The following MGAT4C variants were observed in gnomAD, a reference collection of about 807,000 sequenced individuals.
MGAT4C encodes alpha-1,3-mannosyl-glycoprotein 4-beta-N-acetylglucosaminyltransferase C.
MGAT4C carries 19 observed loss-of-function variants against 40.1 expected under a neutral mutation model. The ratio of observed to expected loss-of-function variants is 0.47; its 90% CI spans 0.33 to 0.70. MGAT4C has a LOEUF of 0.70. MGAT4C is among the 30% of genes least tolerant of loss of function. The probability of loss-of-function intolerance (pLI) is 0.02; values close to 1 mark genes in which losing one functional copy is unlikely to be tolerated. For missense variants in MGAT4C, 491 were observed against 563.2 expected (o/e 0.87, Z 1.30); for synonymous variants, 181 against 187.1 (o/e 0.97, Z 0.27).
intron 1 of MGAT4C, among the ~76,000 whole-genome samples, chr12:86,128,937 C>T (rs1880738017): frequency 6.6e-6 from 1 of 152,044 alleles, no homozygotes; most frequent in Non-Finnish European, 1.5e-5. Flanking sequence ...TGTCCTTTCC[C>T]CACTTTGGCT....
intron 2 of MGAT4C, among the ~76,000 whole-genome samples, chr12:86,720,382 G>A (rs191898437): frequency 5.9e-5 from 9 of 152,236 alleles, no homozygotes; most frequent in Admixed American, 5.2e-4. Context: ...AAGCCCTCAG[G>A]TTCAAGGTGG....
chr12:86,358,413 C>T (rs1244717016), intron 3 of MGAT4C, among the ~76,000 whole-genome samples: 1 of 152,112 alleles, frequency 6.6e-6, no homozygotes, highest in East Asian at 1.9e-4. Context: ...GAAGAAACTG[C>T]ATCAACTAAC....
intron 1 of MGAT4C, among the ~76,000 whole-genome samples, chr12:86,114,627 C>G (rs1322750827): frequency 6.6e-6 from 1 of 151,264 alleles, no homozygotes; most frequent in Non-Finnish European, 1.5e-5. Context: ...TTATAGCAAC[C>G]CATGCTAATT....
In MGAT4C at chr12:86,835,261, A is replaced by G. The variant is rs113723400; in HGVS notation, c.-262+3405T>C. ...AGACCCAATAAAAACAGTTTCTAGC[A>G]TAGATACTATTTTTGTAAAGATTTA... On this transcript the variant is annotated intron_variant, in intron 1 of 7. Transcript: ENST00000548651. Among the ~76,000 whole-genome samples the G allele has an allele frequency of 2.4e-3, 371 of 152,112 alleles. 1 individual carries two copies. The highest frequency in any genetic ancestry group is 8.4e-3 in the African/African-American group (347 of 41,540).
intron 2 of MGAT4C, among the ~76,000 whole-genome samples, chr12:86,611,711 T>C (rs944794273): frequency 6.6e-6 from 1 of 152,194 alleles, no homozygotes; most frequent in Admixed American, 6.5e-5. Flanking sequence ...TAACTGCATT[T>C]TTCTAAATCT....
rs374598021 is a variant in MGAT4C at position 86,621,701 on chromosome 12, C to T, written c.-229+105508G>A. Among the ~76,000 whole-genome samples, 35 of 152,262 alleles carry T rather than the reference C, an allele frequency of 2.3e-4. No homozygotes were observed. The East Asian group carries it at 4.8e-3, about 21-fold the overall frequency. On this transcript the variant is annotated intron_variant, in intron 2 of 7. Transcript: ENST00000548651. ...CTATGTTGTCCAGGCTGCTCTTGAACTCCTGGGCTCAAGTGATCCTCCTAC... is the reference window on the plus strand; with the variant it reads ...CTATGTTGTCCAGGCTGCTCTTGAATTCCTGGGCTCAAGTGATCCTCCTAC...
intron 1 of MGAT4C, among the ~76,000 whole-genome samples, chr12:86,111,636 A>C (rs1197679238): frequency 6.6e-6 from 1 of 151,822 alleles, no homozygotes; most frequent in Non-Finnish European, 1.5e-5. Flanking sequence ...TTATTTGTGC[A>C]TGTTAAAGGA....
intron 2 of MGAT4C, among the ~76,000 whole-genome samples, chr12:86,464,223 AC>A (rs1251254197): frequency 6.6e-6 from 1 of 152,188 alleles, no homozygotes; most frequent in African/African-American, 2.4e-5. Context: ...GGGCAGTTTA[AC>A]CACACAGAAT....
intron 1 of MGAT4C, among the ~76,000 whole-genome samples, chr12:86,059,769 C>T (rs1211506343): frequency 1.3e-5 from 2 of 152,160 alleles, no homozygotes; most frequent in South Asian, 2.1e-4. Flanking sequence ...TTGGTTGTTG[C>T]TCCTTTCACT....
At chr12:86,800,929 T>G (rs979296337) in intron 1 of MGAT4C, among the ~76,000 whole-genome samples, 4 of 151,954 alleles carry the variant, frequency 2.6e-5, no homozygotes, top group African/African-American at 9.7e-5. Flanking sequence ...CTATATCTAA[T>G]TGTCCACAAT....
chr12:86,120,629 G>C (rs1879228299), intron 1 of MGAT4C, among the ~76,000 whole-genome samples: 1 of 152,114 alleles, frequency 6.6e-6, no homozygotes, highest in Non-Finnish European at 1.5e-5. Context: ...TGGGAAACAG[G>C]GTCTGGAGTG....
chr12:86,625,660 G>A (rs1011503153), intron 2 of MGAT4C, among the ~76,000 whole-genome samples: 2 of 152,102 alleles, frequency 1.3e-5, no homozygotes, highest in African/African-American at 4.8e-5. Flanking sequence ...TGGGAGTCCT[G>A]TAAGAAGACT....
intron 1 of MGAT4C, among the ~76,000 whole-genome samples, chr12:86,235,855 A>G (rs2136028584): frequency 6.6e-6 from 1 of 152,160 alleles, no homozygotes; most frequent in East Asian, 1.9e-4. Flanking sequence ...AGTTTAGCAT[A>G]GTGATTGGAA....
At chr12:86,151,299 A>G (rs1260572516) in intron 1 of MGAT4C, among the ~76,000 whole-genome samples, 1 of 116,360 alleles carries the variant, frequency 8.6e-6, no homozygotes, top group Non-Finnish European at 1.9e-5. Context: ...AGTGCCCCAG[A>G]ACACACAGCG....
At chr12:86,457,591 G>A (rs935206363) in intron 2 of MGAT4C, among the ~76,000 whole-genome samples, 3 of 152,016 alleles carry the variant, frequency 2.0e-5, no homozygotes, top group African/African-American at 7.2e-5. Context: ...TTTCATGTGG[G>A]AAGTTATTTT....
At chr12:86,584,383 C>G (rs1960920127) in intron 2 of MGAT4C, among the ~76,000 whole-genome samples, 1 of 150,850 alleles carries the variant, frequency 6.6e-6, no homozygotes, top group African/African-American at 2.4e-5. Context: ...GCCACAGTCT[C>G]TAAGGAATTC....
chr12:86,185,134 G>A (rs1373889626), intron 1 of MGAT4C, among the ~76,000 whole-genome samples: 1 of 152,078 alleles, frequency 6.6e-6, no homozygotes, highest in African/African-American at 2.4e-5. Context: ...AAGCCAATTA[G>A]ATTTTTAAAC....
chr12:86,044,171 T>C (rs1892160554), intron 2 of MGAT4C, among the ~76,000 whole-genome samples: 1 of 152,212 alleles, frequency 6.6e-6, no homozygotes, highest in South Asian at 2.1e-4. Context: ...TTGAGCTGTG[T>C]GCTCTAACTT....
At chr12:86,769,327 C>T (rs1951584233) in intron 1 of MGAT4C, among the ~76,000 whole-genome samples, 1 of 151,010 alleles carries the variant, frequency 6.6e-6, no homozygotes, top group Non-Finnish European at 1.5e-5. Flanking sequence ...GATACCATCT[C>T]ACACCAGTTA....
Sources: allele counts gnomAD v4.1 joint callset (sites outside exome capture counted in the v4.1 genomes callset), GRCh38; gene constraint gnomAD v4.1.1; transcripts MANE v1.5; gene names NCBI Gene and HGNC (gene_info 2026-07-23, HGNC 2026-07-21).